Variants in OGFOD1 observed in about 807,000 individuals in gnomAD.
OGFOD1 encodes prolyl 3-hydroxylase OGFOD1.
Under a neutral mutation model 67.7 loss-of-function variants are expected in OGFOD1, and 54 were observed. That is an observed-to-expected ratio of 0.80 (90% CI 0.64 to 1.00). OGFOD1 has a LOEUF of 1.00. Among genes scored for constraint, OGFOD1 ranks in the 50% least tolerant of loss-of-function variants. The pLI is 0.00. For synonymous variants in OGFOD1, 221 were observed against 227.0 expected (o/e 0.97, Z 0.24); for missense variants, 606 against 646.7 (o/e 0.94, Z 0.68).
chr16:56,465,477 A>G (rs1962864103), intron 4 of OGFOD1, among the ~76,000 whole-genome samples: 1 of 152,160 alleles, frequency 6.6e-6, no homozygotes, highest in African/African-American at 2.4e-5. Flanking sequence ...GTATTTATCT[A>G]TTGAAACAAT....
At chr16:56,470,295 G>T in intron 9 of OGFOD1, 192 bp from the exon 10 acceptor site, 1 of 663,770 alleles carries the variant, frequency 1.5e-6, no homozygotes, top group South Asian at 2.0e-5. Flanking sequence ...ATGATGTTTT[G>T]TTCTCAGGGA....
chr16:56,459,841 G>GA, intron 3 of OGFOD1, among the ~76,000 whole-genome samples: 1 of 152,046 alleles, frequency 6.6e-6, no homozygotes, highest in Non-Finnish European at 1.5e-5. Flanking sequence ...AAAAGATTTG[G>GA]AAAAATAGAG....
chr16:56,474,316 AC>A (rs1963349660), intron 10 of OGFOD1, among the ~76,000 whole-genome samples: 2 of 146,456 alleles, frequency 1.4e-5, no homozygotes, highest in Admixed American at 1.4e-4. Context: ...TCAAAATTCA[AC>A]TTTTTTTTTT....
At chr16:56,469,916 ATGTT>A in intron 8 of OGFOD1, 83 bp from the exon 9 acceptor site, 1 of 838,660 alleles carries the variant, frequency 1.2e-6, no homozygotes, top group East Asian at 3.0e-5. Flanking sequence ...AGCCAGATTG[ATGTT>A]TGGCAGAGCT....
chr16:56,457,440 A>G (rs1962559623), intron 2 of OGFOD1, among the ~76,000 whole-genome samples: 3 of 152,228 alleles, frequency 2.0e-5, no homozygotes, highest in Admixed American at 6.5e-5. Flanking sequence ...TTCTATTTGG[A>G]GTGTTAAAAA....
chr16:56,451,793 C>T (rs760259111), intron 1 of OGFOD1, 27 bp downstream of exon 1: 3 of 1,610,382 alleles, frequency 1.9e-6, no homozygotes, highest in Non-Finnish European at 2.5e-6. Flanking sequence ...AGGGAGGGGC[C>T]GCCACGCAGA....
rs1316558990 is a variant in OGFOD1 at position 56,478,491 on chromosome 16, C to CT, written c.*2287dup. The CT allele has an allele frequency of 1.3e-5, 2 of 152,206 alleles. No individual in the cohort carries two copies. The highest frequency in any genetic ancestry group is 2.9e-5 in the Non-Finnish European group (2 of 68,036). The allele number at this position is 152,206 out of a possible 1,614,324, so 9.4% of individuals were successfully genotyped here. A position where few individuals can be genotyped will look rare whatever the true frequency, so the allele number is the denominator to read the frequency against. ...TATATTCCAGCTGACTAAAGGTCAT[C>CT]TCACTCACTTGCCTTCTGATGTGTT... On this transcript the variant is annotated 3_prime_UTR_variant, in exon 13 of 13. Coordinates refer to ENST00000566157, the MANE Select transcript of OGFOD1 (RefSeq NM_018233.4).
Position 56,478,118 on chromosome 16 carries a change from T to C in OGFOD1, c.*1913T>C, listed in dbSNP as rs978733517. The C allele has an allele frequency of 2.0e-5, 3 of 152,204 alleles. No homozygotes were observed. The highest frequency in any genetic ancestry group is 4.4e-5 in the Non-Finnish European group (3 of 68,030). 9.4% of individuals were successfully genotyped at this position (152,204 alleles called of 1,614,324 possible). On this transcript the variant is annotated 3_prime_UTR_variant, in exon 13 of 13. Coordinates refer to ENST00000566157, the MANE Select transcript of OGFOD1 (RefSeq NM_018233.4). Reference sequence around the variant, plus strand: ...TTCTAACATTGTCTTCCCCTATGCATATGGTAACGAACCATTTTACACCAT... The same window carrying C: ...TTCTAACATTGTCTTCCCCTATGCACATGGTAACGAACCATTTTACACCAT...
chr16:56,458,484 G>A, intron 2 of OGFOD1, 64 bp from the exon 3 acceptor site: 1 of 1,432,704 alleles, frequency 7.0e-7, no homozygotes. Context: ...TCACTAAACT[G>A]CTCTCCTTTG....
At chr16:56,473,041 C>T (rs1351864880) in intron 10 of OGFOD1, among the ~76,000 whole-genome samples, 3 of 152,194 alleles carry the variant, frequency 2.0e-5, no homozygotes, top group Non-Finnish European at 2.9e-5. Flanking sequence ...AGCGATTCTC[C>T]TGCCTCAGCC....
chr16:56,458,289 T>C (rs886828587), intron 2 of OGFOD1: 1 of 456,344 alleles, frequency 2.2e-6, no homozygotes, highest in Non-Finnish European at 4.0e-6. Context: ...GTCTGTTGTC[T>C]ATCTCCCTCA....
At chr16:56,452,798 G>T (rs549437172) in intron 1 of OGFOD1, among the ~76,000 whole-genome samples, 124 of 152,242 alleles carry the variant, frequency 8.1e-4, no homozygotes, top group African/African-American at 2.7e-3. Flanking sequence ...ATTAGAGGTG[G>T]TTATGCCCGA....
At position 56,474,915 on chromosome 16, in the gene OGFOD1, T is replaced by C; in HGVS notation, c.1373T>C (p.Phe458Ser). Residue 458 changes from phenylalanine (F) to serine (S), a missense_variant, in exon 11 of 13, where the codon TTT (phenylalanine) becomes TCT (serine). Coordinates refer to ENST00000566157, the MANE Select transcript of OGFOD1 (RefSeq NM_018233.4). ...ATTCATGACCATAGCAAGGCTGAAT[T>C]TGCCCTAGACTTAATTCTGTACTGT... ...TLIHDHSKAE[F>S]ALDLILYCGC... 1.2e-6 allele frequency: 2 copies of C among 1,614,052 alleles called. No individual in the cohort carries two copies. The highest frequency in any genetic ancestry group is 2.2e-5 in the South Asian group (2 of 91,082).
At chr16:56,471,207 A>T (rs1444399512) in intron 10 of OGFOD1, among the ~76,000 whole-genome samples, 1 of 151,534 alleles carries the variant, frequency 6.6e-6, no homozygotes, top group African/African-American at 2.4e-5. Flanking sequence ...CAAAAAAAAA[A>T]AAAAATTTGC....
intron 1 of OGFOD1, 21 bp downstream of exon 1, chr16:56,451,787 AG>A (rs769456417): frequency 5.6e-6 from 9 of 1,610,960 alleles, no homozygotes; most frequent in African/African-American, 1.3e-5. Flanking sequence ...GCTCTCAGGG[AG>A]GGGCCGCCAC....
chr16:56,452,910 T>C (rs1160576826), intron 1 of OGFOD1, among the ~76,000 whole-genome samples: 1 of 152,134 alleles, frequency 6.6e-6, no homozygotes, highest in African/African-American at 2.4e-5. Flanking sequence ...ATTGCTACTC[T>C]CATTTAATGT....
At chr16:56,473,369 A>G (rs1040515323) in intron 10 of OGFOD1, among the ~76,000 whole-genome samples, 6 of 152,234 alleles carry the variant, frequency 3.9e-5, no homozygotes, top group Admixed American at 2.0e-4. Context: ...ATTGGATCAG[A>G]TGACCTTAAC....
chr16:56,454,854 C>G, intron 2 of OGFOD1: 1 of 399,050 alleles, frequency 2.5e-6, no homozygotes. Context: ...CTGAATTAAC[C>G]AGGATAAATA....
intron 3 of OGFOD1, 49 bp downstream of exon 3, chr16:56,458,643 T>C (rs1462145658): frequency 7.0e-7 from 1 of 1,425,448 alleles, no homozygotes; most frequent in East Asian, 2.3e-5. Flanking sequence ...CCAGGCAGAG[T>C]AGTAAGTGCT....
Sources: allele counts gnomAD v4.1 joint callset (sites outside exome capture counted in the v4.1 genomes callset), GRCh38; gene constraint gnomAD v4.1.1; transcripts MANE v1.5; gene names NCBI Gene and HGNC (gene_info 2026-07-23, HGNC 2026-07-21).